SGCZ: variants seen among roughly 807,000 people sequenced by gnomAD.
The protein encoded by SGCZ is sarcoglycan zeta.
Under a neutral mutation model 41.3 loss-of-function variants are expected in SGCZ, and 40 were observed. The ratio of observed to expected loss-of-function variants is 0.97; its 90% CI spans 0.75 to 1.26. The LOEUF (loss-of-function observed/expected upper bound fraction) is 1.26, where lower values mean the gene tolerates loss of function less well. Among genes scored for constraint, SGCZ ranks in the 50% most tolerant of loss-of-function variants. The pLI, the probability that SGCZ is intolerant of heterozygous loss-of-function variation, is 0.00. For synonymous variants in SGCZ, 206 were observed against 137.5 expected (o/e 1.50, Z -3.49); for missense variants, 552 against 369.8 (o/e 1.49, Z -4.04).
intron 5 of SGCZ, 133 bp downstream of exon 5, chr8:14,164,447 G>T: frequency 9.2e-7 from 1 of 1,085,664 alleles, no homozygotes; most frequent in Non-Finnish European, 1.3e-6. Context: ...AAGGCTACTT[G>T]AAGAACAAAC....
At chr8:15,025,502 G>C (rs1005087831) in intron 1 of SGCZ, among the ~76,000 whole-genome samples, 1 of 152,208 alleles carries the variant, frequency 6.6e-6, no homozygotes, top group African/African-American at 2.4e-5. Context: ...GGTGATAAAA[G>C]AGAGTGCTAA....
intron 1 of SGCZ, among the ~76,000 whole-genome samples, chr8:14,894,072 T>G (rs2130747448): frequency 6.6e-6 from 1 of 152,244 alleles, no homozygotes; most frequent in African/African-American, 2.4e-5. Flanking sequence ...ATATAAGAAA[T>G]ATTTAATTAA....
At chr8:15,178,556 A>G (rs1388589892) in intron 1 of SGCZ, among the ~76,000 whole-genome samples, 1 of 152,218 alleles carries the variant, frequency 6.6e-6, no homozygotes, top group Non-Finnish European at 1.5e-5. Context: ...TTTATTGTAT[A>G]ATAATACATT....
At chr8:14,729,622 C>T (rs1442659566) in intron 1 of SGCZ, among the ~76,000 whole-genome samples, 1 of 150,844 alleles carries the variant, frequency 6.6e-6, no homozygotes, top group Non-Finnish European at 1.5e-5. Context: ...TGATCTTGCA[C>T]TTACAGCATC....
In SGCZ at chr8:14,881,339, C is replaced by T. The variant is rs559791752; in HGVS notation, c.40-326413G>A. Among the ~76,000 whole-genome samples the T allele has an allele frequency of 1.4e-4, 21 of 152,098 alleles. No homozygotes were observed. The South Asian group carries it at 3.7e-3, about 27-fold the overall frequency. ...GAGGCTTTATTTGTTTTTTCCTTTG[C>T]TCCTAACCTGAATCCCACTCCATTT... On this transcript the variant is annotated intron_variant, in intron 1 of 7. Transcript: ENST00000382080.
At chr8:14,172,548 A>G (rs1487777786) in intron 4 of SGCZ, among the ~76,000 whole-genome samples, 1 of 152,170 alleles carries the variant, frequency 6.6e-6, no homozygotes, top group Non-Finnish European at 1.5e-5. Flanking sequence ...TTTCTCATGT[A>G]AACAGTTATA....
intron 1 of SGCZ, among the ~76,000 whole-genome samples, chr8:15,204,499 A>C (rs967699844): frequency 1.3e-5 from 2 of 152,190 alleles, no homozygotes; most frequent in Admixed American, 1.3e-4. Context: ...TTTCTTCCTA[A>C]AAATGACTCA....
At chr8:14,820,696 A>C (rs532285057) in intron 1 of SGCZ, among the ~76,000 whole-genome samples, 2 of 152,020 alleles carry the variant, frequency 1.3e-5, no homozygotes, top group Non-Finnish European at 2.9e-5. Flanking sequence ...ACTTCAGAAA[A>C]TTTACAATAA....
intron 1 of SGCZ, among the ~76,000 whole-genome samples, chr8:14,910,965 T>C (rs1402178894): frequency 1.3e-5 from 2 of 152,028 alleles, no homozygotes; most frequent in African/African-American, 4.8e-5. Flanking sequence ...AGAACAATTA[T>C]CACACTTCTA....
intron 1 of SGCZ, among the ~76,000 whole-genome samples, chr8:14,634,053 CAA>C (rs1432196268): frequency 6.6e-6 from 1 of 151,734 alleles, no homozygotes; most frequent in African/African-American, 2.4e-5. Context: ...GAATTTAAGT[CAA>C]GATAATATGT....
At chr8:14,614,411 T>C (rs897899049) in intron 1 of SGCZ, among the ~76,000 whole-genome samples, 2 of 152,174 alleles carry the variant, frequency 1.3e-5, no homozygotes, top group African/African-American at 2.4e-5. Context: ...CTAAAATTTC[T>C]AGCATGAACA....
chr8:14,862,054 T>C (rs1172348059), intron 1 of SGCZ, among the ~76,000 whole-genome samples: 16 of 152,184 alleles, frequency 1.1e-4, no homozygotes, highest in Admixed American at 7.2e-4. Flanking sequence ...TAAAAAATGA[T>C]GAAGACAAAA....
chr8:14,883,171 T>C (rs760781427), intron 1 of SGCZ, among the ~76,000 whole-genome samples: 1 of 150,326 alleles, frequency 6.7e-6, no homozygotes, highest in Non-Finnish European at 1.5e-5. Flanking sequence ...CATCTGGTGA[T>C]GAAACAGAAC....
chr8:15,150,198 T>C (rs2117016158), intron 1 of SGCZ, among the ~76,000 whole-genome samples: 1 of 152,232 alleles, frequency 6.6e-6, no homozygotes, highest in South Asian at 2.1e-4. Context: ...ATCCATTACT[T>C]TATAAAACAG....
intron 4 of SGCZ, among the ~76,000 whole-genome samples, chr8:14,223,493 C>T (rs1806272425): frequency 6.6e-6 from 1 of 152,028 alleles, no homozygotes; most frequent in African/African-American, 2.4e-5. Flanking sequence ...ATTCAATTTA[C>T]TACTCATTTT....
At chr8:15,020,446 G>C (rs1000232895) in intron 1 of SGCZ, among the ~76,000 whole-genome samples, 1 of 152,096 alleles carries the variant, frequency 6.6e-6, no homozygotes, top group Admixed American at 6.6e-5. Context: ...AGGAAGGCTG[G>C]GGACATGGGT....
intron 3 of SGCZ, among the ~76,000 whole-genome samples, chr8:14,290,477 A>G (rs6998391): frequency 0.75 from 114,378 of 151,970 alleles, 43,502 homozygotes; most frequent in Non-Finnish European, 0.8. Context: ...AAGAAACTCA[A>G]ACAACTCAAT....
intron 1 of SGCZ, among the ~76,000 whole-genome samples, chr8:14,908,333 T>C (rs1234107871): frequency 1.3e-5 from 2 of 152,166 alleles, no homozygotes; most frequent in Non-Finnish European, 2.9e-5. Flanking sequence ...CAACAAATAT[T>C]TACCTAGTGG....
intron 3 of SGCZ, among the ~76,000 whole-genome samples, chr8:14,276,058 G>C (rs540906354): frequency 6.6e-6 from 1 of 152,320 alleles, no homozygotes; most frequent in African/African-American, 2.4e-5. Context: ...GCCTGTGCTA[G>C]AGGTGGACCT....
Sources: allele counts gnomAD v4.1 joint callset (sites outside exome capture counted in the v4.1 genomes callset), GRCh38; gene constraint gnomAD v4.1.1; transcripts MANE v1.5; gene names NCBI Gene and HGNC (gene_info 2026-07-23, HGNC 2026-07-21).